The following ARHGEF3 variants were observed in gnomAD, a reference collection of about 807,000 sequenced individuals.
ARHGEF3 encodes 59.8 kDA protein.
Under a neutral mutation model 63.2 loss-of-function variants are expected in ARHGEF3, and 28 were observed. The observed-to-expected ratio is 0.44, with a 90% confidence interval of 0.33 to 0.61. The LOEUF (loss-of-function observed/expected upper bound fraction) is 0.61. ARHGEF3 is among the 20% of genes least tolerant of loss of function. The pLI is 0.03. For missense variants in ARHGEF3, 533 were observed against 659.3 expected (o/e 0.81, Z 2.10); for synonymous variants, 266 against 254.2 (o/e 1.05, Z -0.44).
At chr3:56,771,988 C>T (rs760932995) in intron 2 of ARHGEF3, among the ~76,000 whole-genome samples, 1 of 152,120 alleles carries the variant, frequency 6.6e-6, no homozygotes, top group Non-Finnish European at 1.5e-5. Context: ...ATGAACTTGT[C>T]GAGAGGGCTG....
At chr3:56,778,003 T>C (rs1438355436) in intron 1 of ARHGEF3, among the ~76,000 whole-genome samples, 1 of 152,208 alleles carries the variant, frequency 6.6e-6, no homozygotes, top group Non-Finnish European at 1.5e-5. Flanking sequence ...GGGTTCTATC[T>C]GTGTGCCAGG....
chr3:57,035,023 C>A, intron 2 of ARHGEF3: 1 of 1,335,998 alleles, frequency 7.5e-7, no homozygotes, highest in Admixed American at 2.4e-5. Context: ...CCCTCCATTT[C>A]ATTTAATTGT....
Position 56,732,313 on chromosome 3 carries a change from G to A in ARHGEF3, c.1153C>T (p.Leu385=). Residue 385 remains leucine (L), a synonymous_variant, in exon 9 of 10, where the codon CTG becomes TTG. Coordinates refer to ENST00000296315, the MANE Select transcript of ARHGEF3 (RefSeq NM_019555.3). ...YRQPIPVKDL[L]LEDLQDGEVR... ...TCTCCATCCTGGAGGTCTTCCAGCA[G>A]GAGGTCTTTCACGGGGATTGGCTGA... is the stretch of plus-strand genomic sequence containing the variant. 10 of 1,614,216 alleles carry A rather than the reference G, an allele frequency of 6.2e-6. No homozygotes were observed. Among genetic ancestry groups the A allele is most frequent in the Non-Finnish European group, 7.6e-6 (9 of 1,180,042 alleles).
chr3:56,780,858 G>T (rs1404758536), intron 1 of ARHGEF3, among the ~76,000 whole-genome samples: 1 of 152,230 alleles, frequency 6.6e-6, no homozygotes, highest in African/African-American at 2.4e-5. Context: ...TACTGGTGAT[G>T]TTAACTTTGA....
intron 8 of ARHGEF3, among the ~76,000 whole-genome samples, chr3:56,736,461 T>G (rs998551670): frequency 6.6e-6 from 1 of 152,178 alleles, no homozygotes; most frequent in Admixed American, 6.5e-5. Context: ...TTTAAAAAAT[T>G]GGTTTCAAAA....
chr3:56,737,154 A>G (rs753534192), intron 8 of ARHGEF3, 31 bp downstream of exon 8: 9 of 1,588,362 alleles, frequency 5.7e-6, no homozygotes, highest in African/African-American at 1.3e-5. Flanking sequence ...CGGGAGGCGG[A>G]TAAGACTGCT....
intron 8 of ARHGEF3, among the ~76,000 whole-genome samples, chr3:56,733,313 CAGGCG>C (rs1189971438): frequency 0.012 from 798 of 68,130 alleles, 23 homozygotes; most frequent in African/African-American, 0.049. Flanking sequence ...AAAAACTAGC[CAGGCG>C]AGGTGGGCGG....
intron 1 of ARHGEF3, chr3:57,074,571 C>A: frequency 3.0e-6 from 1 of 328,236 alleles, no homozygotes; most frequent in East Asian, 5.8e-5. Flanking sequence ...ATCAATCAAT[C>A]GATCAATCAA....
At chr3:57,074,960 G>C (rs2107421672) in intron 1 of ARHGEF3, 1 of 167,458 alleles carries the variant, frequency 6.0e-6, no homozygotes, top group South Asian at 2.1e-4. Flanking sequence ...AGGGCAGGAG[G>C]AGAGTTCTGC....
intron 1 of ARHGEF3, among the ~76,000 whole-genome samples, chr3:57,044,124 T>A (rs1704345886): frequency 6.6e-6 from 1 of 152,242 alleles, no homozygotes; most frequent in South Asian, 2.1e-4. Flanking sequence ...TGTGTGCACA[T>A]GTGTCTCCCC....
chr3:57,000,815 G>T (rs1028537288), intron 2 of ARHGEF3, among the ~76,000 whole-genome samples: 11 of 152,206 alleles, frequency 7.2e-5, no homozygotes, highest in African/African-American at 2.7e-4. Context: ...TTACAGGCAT[G>T]AGCCACCATG....
intron 4 of ARHGEF3, among the ~76,000 whole-genome samples, chr3:56,828,775 C>G (rs1176284716): frequency 6.6e-6 from 1 of 152,118 alleles, no homozygotes; most frequent in Non-Finnish European, 1.5e-5. Flanking sequence ...GAAGATCCAT[C>G]CTGGGTTATG....
Position 56,880,475 on chromosome 3 carries a change from C to T in ARHGEF3, c.192+1817G>A, listed in dbSNP as rs575030097. Among the ~76,000 whole-genome samples, 21 of 62,254 alleles carry T rather than the reference C, an allele frequency of 3.4e-4. No individual in the cohort carries two copies. In the South Asian group the frequency reaches 8.0e-3, roughly 24 times the overall value. 40.8% of individuals were successfully genotyped at this position (62,254 alleles called of 152,430 possible). Reference sequence around the variant, plus strand: ...CTTTAATACAATGTTAGTGGTTCTTCGATAGAAAGCATCTAGAGACATGCT... The same window carrying T: ...CTTTAATACAATGTTAGTGGTTCTTTGATAGAAAGCATCTAGAGACATGCT... On this transcript the variant is annotated intron_variant, in intron 4 of 12. Coordinates refer to the ARHGEF3 transcript ENST00000338458.
chr3:56,815,999 A>G (rs1276803103), intron 4 of ARHGEF3, among the ~76,000 whole-genome samples: 1 of 152,180 alleles, frequency 6.6e-6, no homozygotes, highest in Non-Finnish European at 1.5e-5. Context: ...GGATCACTTG[A>G]GGCCAGAAAC....
chr3:56,932,273 C>T (rs189514821), intron 3 of ARHGEF3, among the ~76,000 whole-genome samples: 13 of 152,206 alleles, frequency 8.5e-5, no homozygotes, highest in Admixed American at 4.6e-4. Flanking sequence ...CCCATAGAAA[C>T]GTACGAAAGT....
In ARHGEF3 at chr3:57,002,462, C is replaced by CTATATATATATA. The variant is rs1165862414; in HGVS notation, c.62+32614_62+32625dup. ...TATATGCCAGGCACTGTTCTAAGCA[C>CTATATATATATA]TATATATATATATATGTTATATATA... On this transcript the variant is annotated intron_variant, in intron 2 of 12. Transcript: ENST00000338458. Among the ~76,000 whole-genome samples, 20 of 38,678 alleles carry CTATATATATATA rather than the reference C, an allele frequency of 5.2e-4. 1 individual carries two copies. Among genetic ancestry groups the CTATATATATATA allele is most frequent in the African/African-American group, 2.0e-3 (18 of 8,932 alleles). 25.4% of individuals were successfully genotyped at this position (38,678 alleles called of 152,430 possible). A position where few individuals can be genotyped will look rare whatever the true frequency, so the allele number is the denominator to read the frequency against.
chr3:57,017,776 T>A (rs1703081722), intron 2 of ARHGEF3, among the ~76,000 whole-genome samples: 1 of 151,936 alleles, frequency 6.6e-6, no homozygotes, highest in Non-Finnish European at 1.5e-5. Context: ...CCCAGGAGAG[T>A]GGCCCATTCA....
chr3:56,903,610 C>A (rs908943786), intron 3 of ARHGEF3, among the ~76,000 whole-genome samples: 2 of 152,216 alleles, frequency 1.3e-5, no homozygotes, highest in African/African-American at 4.8e-5. Context: ...CTTGGATATG[C>A]AAAGTGTACA....
intron 2 of ARHGEF3, 29 bp downstream of exon 2, chr3:56,773,680 C>T (rs1468501792): frequency 2.0e-6 from 3 of 1,529,970 alleles, no homozygotes; most frequent in Non-Finnish European, 2.6e-6. Context: ...TGATTTTCTG[C>T]AACCACAGGC....
Sources: allele counts gnomAD v4.1 joint callset (sites outside exome capture counted in the v4.1 genomes callset), GRCh38; gene constraint gnomAD v4.1.1; transcripts MANE v1.5; gene names NCBI Gene and HGNC (gene_info 2026-07-23, HGNC 2026-07-21).